SEZ6L: variants seen among roughly 807,000 people sequenced by gnomAD.
SEZ6L encodes the protein seizure 6-like protein.
In SEZ6L, 37 loss-of-function variants were observed where a neutral mutation model predicts 106.2. The observed-to-expected ratio is 0.35, with a 90% CI of 0.27 to 0.46. SEZ6L has a LOEUF of 0.46. Among genes scored for constraint, SEZ6L ranks in the 20% least tolerant of loss-of-function variants. The probability of loss-of-function intolerance (pLI) is 1.00; values close to 1 mark genes in which losing one functional copy is unlikely to be tolerated. For synonymous variants in SEZ6L, 541 were observed against 570.4 expected, an observed-to-expected ratio of 0.95 and a Z score of 0.73; for missense variants, 1,172 against 1,332.8, an observed-to-expected ratio of 0.88 and a Z score of 1.88.
At chr22:26,207,851 C>T (rs1350013198) in intron 1 of SEZ6L, among the ~76,000 whole-genome samples, 1 of 151,784 alleles carries the variant, frequency 6.6e-6, no homozygotes, top group Non-Finnish European at 1.5e-5. Context: ...TGTAATACAT[C>T]TACATACCTT....
intron 11 of SEZ6L, among the ~76,000 whole-genome samples, chr22:26,349,882 T>C (rs1182617093): frequency 6.6e-6 from 1 of 152,228 alleles, no homozygotes; most frequent in Non-Finnish European, 1.5e-5. Flanking sequence ...TATTCTCTTT[T>C]AATTGGTTTA....
At chr22:26,229,285 C>A (rs117715300) in intron 1 of SEZ6L, among the ~76,000 whole-genome samples, 7 of 152,164 alleles carry the variant, frequency 4.6e-5, no homozygotes, top group Non-Finnish European at 7.3e-5. Flanking sequence ...GTGTGAGCCA[C>A]CACTCCCAGC....
chr22:26,355,845 C>T (rs1242165608), intron 12 of SEZ6L, among the ~76,000 whole-genome samples: 2 of 152,200 alleles, frequency 1.3e-5, no homozygotes, highest in Admixed American at 1.3e-4. Context: ...GACTGAAAGC[C>T]ATATCTTTTT....
chr22:26,250,799 G>T (rs2092815), intron 1 of SEZ6L, among the ~76,000 whole-genome samples: 37,514 of 152,120 alleles, frequency 0.25, 5,273 homozygotes, highest in East Asian at 0.32. Flanking sequence ...AATATGGGAT[G>T]TCTTTCTATT....
At chr22:26,260,021 G>T (rs1443373224) in intron 1 of SEZ6L, among the ~76,000 whole-genome samples, 2 of 152,170 alleles carry the variant, frequency 1.3e-5, no homozygotes, top group Admixed American at 1.3e-4. Context: ...TCCTGATTTG[G>T]CATGCTTAGG....
intron 9 of SEZ6L, among the ~76,000 whole-genome samples, chr22:26,326,978 T>A (rs596224): frequency 6.6e-6 from 1 of 152,072 alleles, no homozygotes; most frequent in Non-Finnish European, 1.5e-5. Context: ...ACGGCCCCTG[T>A]GTGGAGTTTC....
rs200361966 is a variant in SEZ6L, at chr22:26,310,735, G to C, written c.1580G>C (p.Ser527Thr). ...ALLYDSLQTE[S>T]VPFEGLLSEG... ...CTCTACGACTCCCTTCAAACCGAGA[G>C]TGTCCCTTTTGAGGGCCTGCTGAGC... is the stretch of plus-strand genomic sequence containing the variant. The change falls in exon 7 of 17, where the codon AGT (serine) becomes ACT (threonine). Residue 527 changes from serine (S) to threonine (T), a missense_variant. Physicochemically the swap from Ser to Thr is moderately conservative, Grantham distance 58. Coordinates refer to ENST00000248933, the MANE Select transcript of SEZ6L (RefSeq NM_021115.5). 14 of 1,614,036 alleles carry C rather than the reference G, an allele frequency of 8.7e-6. No homozygotes were observed. Among genetic ancestry groups the C allele is most frequent in the Middle Eastern group, 1.6e-4 (1 of 6,084 alleles).
At chr22:26,348,563 G>GAA (rs2146009170) in intron 11 of SEZ6L, among the ~76,000 whole-genome samples, 2 of 25,626 alleles carry the variant, frequency 7.8e-5, no homozygotes, top group Admixed American at 9.1e-4. Context: ...GGAAGGAAGG[G>GAA]AGGAAAGAAA....
intron 1 of SEZ6L, among the ~76,000 whole-genome samples, chr22:26,259,131 T>C (rs989759776): frequency 1.3e-5 from 2 of 152,230 alleles, no homozygotes; most frequent in African/African-American, 4.8e-5. Context: ...GATTTCTGGC[T>C]TGAGCTAGGA....
intron 1 of SEZ6L, among the ~76,000 whole-genome samples, chr22:26,238,390 C>T (rs969059641): frequency 1.6e-4 from 25 of 152,322 alleles, no homozygotes; most frequent in African/African-American, 5.8e-4. Flanking sequence ...GTTGAGGAAC[C>T]GTGTTTATGA....
intron 9 of SEZ6L, among the ~76,000 whole-genome samples, chr22:26,324,665 G>A (rs1439968347): frequency 6.6e-6 from 1 of 152,198 alleles, no homozygotes; most frequent in African/African-American, 2.4e-5. Flanking sequence ...AAAACTGGCT[G>A]AACTCAGATC....
chr22:26,235,104 A>G (rs2078918946), intron 1 of SEZ6L, among the ~76,000 whole-genome samples: 2 of 152,216 alleles, frequency 1.3e-5, no homozygotes, highest in Non-Finnish European at 2.9e-5. Context: ...ACAGTAGTGA[A>G]AACAGGACCT....
intron 1 of SEZ6L, among the ~76,000 whole-genome samples, chr22:26,189,286 G>T (rs1414621325): frequency 2.0e-5 from 3 of 152,154 alleles, no homozygotes; most frequent in Non-Finnish European, 2.9e-5. Flanking sequence ...TGACTTGTCC[G>T]GGATTTTATG....
chr22:26,365,261 C>A, intron 12 of SEZ6L, 111 bp from the exon 13 acceptor site: 1 of 823,754 alleles, frequency 1.2e-6, no homozygotes, highest in Non-Finnish European at 1.9e-6. Context: ...GGTGGGGATG[C>A]AGAGAGAGGA....
chr22:26,233,863 GC>G (rs1405134352), intron 1 of SEZ6L, among the ~76,000 whole-genome samples: 1 of 152,186 alleles, frequency 6.6e-6, no homozygotes, highest in Non-Finnish European at 1.5e-5. Flanking sequence ...TTGAGCTGGG[GC>G]CTGGGCAGTG....
chr22:26,238,300 C>G (rs553395457), intron 1 of SEZ6L, among the ~76,000 whole-genome samples: 1 of 152,160 alleles, frequency 6.6e-6, no homozygotes, highest in Non-Finnish European at 1.5e-5. Flanking sequence ...TGAGCCACTA[C>G]GGGGCAAAGC....
At chr22:26,201,480 G>A (rs994549500) in intron 1 of SEZ6L, among the ~76,000 whole-genome samples, 8 of 151,366 alleles carry the variant, frequency 5.3e-5, no homozygotes, top group African/African-American at 1.9e-4. Flanking sequence ...AGAACGGCTT[G>A]AACCTGGGAG....
chr22:26,254,392 G>A (rs893721579), intron 1 of SEZ6L, among the ~76,000 whole-genome samples: 6 of 152,066 alleles, frequency 3.9e-5, no homozygotes, highest in African/African-American at 1.4e-4. Flanking sequence ...AGAAGGGGAA[G>A]CAGAAACGGA....
intron 5 of SEZ6L, among the ~76,000 whole-genome samples, chr22:26,301,565 A>G (rs1163193095): frequency 6.6e-6 from 1 of 152,218 alleles, no homozygotes; most frequent in African/African-American, 2.4e-5. Context: ...AGAGGACATC[A>G]GTTATTGTGA....
Sources: allele counts gnomAD v4.1 joint callset (sites outside exome capture counted in the v4.1 genomes callset), GRCh38; gene constraint gnomAD v4.1.1; transcripts MANE v1.5; gene names NCBI Gene and HGNC (gene_info 2026-07-23, HGNC 2026-07-21).